The following SYNPO2 variants were observed in gnomAD, a reference collection of about 807,000 sequenced individuals.
SYNPO2 encodes the protein synaptopodin 2, also known as synaptopodin-2.
In SYNPO2, 56 loss-of-function variants were observed where a neutral mutation model predicts 85.0. That is an observed-to-expected ratio of 0.66 (90% confidence interval 0.53 to 0.82). The LOEUF (loss-of-function observed/expected upper bound fraction) is 0.82, where lower values mean the gene tolerates loss of function less well. Ranked by LOEUF, SYNPO2 falls within the 40% of genes least tolerant of loss-of-function variation. The pLI, the probability that SYNPO2 is intolerant of heterozygous loss-of-function variation, is 0.00. For synonymous variants in SYNPO2, 602 were observed against 591.1 expected (o/e 1.02, Z -0.27); for missense variants, 1,575 against 1,534.2 (o/e 1.03, Z -0.44).
chr4:119,033,980 G>A (rs1738391127), intron 4 of SYNPO2: 1 of 985,210 alleles, frequency 1.0e-6, no homozygotes, highest in African/African-American at 1.7e-5. Context: ...CATTGCTTTT[G>A]GTGGAAATTT....
intron 1 of SYNPO2, among the ~76,000 whole-genome samples, chr4:118,897,188 GA>G (rs1233061713): frequency 1.3e-5 from 2 of 152,138 alleles, no homozygotes; most frequent in African/African-American, 4.8e-5. Flanking sequence ...TCAGGAGAGA[GA>G]AAGAGTGAGT....
Position 118,857,325 on chromosome 4 carries a change from C to T in SYNPO2, c.12+6385C>T, listed in dbSNP as rs541381217. ...ATTAGTAGTAGGGCATATCCAGCCA[C>T]GTACAGCAACACCATTCCCCGAGAA... On this transcript the variant is annotated intron_variant, in intron 1 of 4. Coordinates refer to the SYNPO2 transcript ENST00000610556. Among the ~76,000 whole-genome samples the T allele has an allele frequency of 5.3e-5, 8 of 152,226 alleles. No individual in the cohort carries two copies. In the South Asian group the frequency reaches 6.2e-4, roughly 12 times the overall value.
At chr4:118,970,873 TA>T (rs979958454) in intron 1 of SYNPO2, among the ~76,000 whole-genome samples, 3 of 152,204 alleles carry the variant, frequency 2.0e-5, no homozygotes, top group Admixed American at 2.0e-4. Context: ...ATGAATAAAG[TA>T]ATCAATCAAA....
intron 1 of SYNPO2, among the ~76,000 whole-genome samples, chr4:118,874,850 T>C (rs1223936472): frequency 1.3e-5 from 2 of 152,172 alleles, no homozygotes; most frequent in African/African-American, 4.8e-5. Context: ...TTCAGATACA[T>C]GACTGTAGTT....
In SYNPO2 at chr4:119,043,415, A is replaced by G. The variant is rs575793771; in HGVS notation, c.3252+11388A>G. 7 of 152,324 alleles carry G rather than the reference A, an allele frequency of 4.6e-5. No individual in the cohort carries two copies. The East Asian group carries it at 9.6e-4, about 21-fold the overall frequency. The allele number at this position is 152,324 out of a possible 1,614,324, so 9.4% of individuals were successfully genotyped here. ...TTTGTAAATTCATCAATGCATTTGC[A>G]TGAATTAATACTAAAAGTGAAAAAA... On this transcript the variant is annotated intron_variant, in intron 4 of 4. Transcript: ENST00000307142.
Position 119,017,595 on chromosome 4 carries a change from T to C in SYNPO2, c.106-5835T>C, listed in dbSNP as rs186048183. 5.6e-4 allele frequency among the ~76,000 whole-genome samples: 85 copies of C among 152,246 alleles called. No individual in the cohort carries two copies. In the Middle Eastern group the frequency reaches 0.02, roughly 37 times the overall value. The stretch of plus-strand genomic sequence containing the variant: ...TAATTGTTGCCTGAGATCACAATCA[T>C]CTCTCTCATCCTCTCTTAGTTATTG... On this transcript the variant is annotated intron_variant, in intron 1 of 4. Coordinates refer to ENST00000307142, the MANE Select transcript of SYNPO2 (RefSeq NM_133477.3).
chr4:118,925,436 C>T (rs959282498), intron 1 of SYNPO2, among the ~76,000 whole-genome samples: 7 of 151,984 alleles, frequency 4.6e-5, no homozygotes, highest in African/African-American at 1.7e-4. Flanking sequence ...ACTCCAGTGG[C>T]ATGTTTTTCT....
intron 1 of SYNPO2, among the ~76,000 whole-genome samples, chr4:118,952,383 A>C (rs1734732028): frequency 1.3e-5 from 2 of 151,628 alleles, no homozygotes; most frequent in African/African-American, 4.8e-5. Flanking sequence ...TTAAAATTTT[A>C]TTTTATTATT....
intron 1 of SYNPO2, among the ~76,000 whole-genome samples, chr4:118,960,248 T>G (rs1021589414): frequency 1.1e-4 from 16 of 152,226 alleles, no homozygotes; most frequent in Admixed American, 3.9e-4. Flanking sequence ...TTTGCAGTCA[T>G]TTGTTATTTT....
At position 119,057,508 on chromosome 4, in the gene SYNPO2, T is replaced by C. The variant is rs1453744965; in HGVS notation, c.3360T>C (p.Asp1120=). 2.5e-6 allele frequency: 4 copies of C among 1,614,080 alleles called. No individual in the cohort carries two copies. Among genetic ancestry groups the C allele is most frequent in the Non-Finnish European group, 3.4e-6 (4 of 1,180,020 alleles). Residue 1120 remains aspartate (D), a synonymous_variant, in exon 5 of 5, where the codon GAT becomes GAC. Coordinates refer to ENST00000307142, the MANE Select transcript of SYNPO2 (RefSeq NM_133477.3). The part of the protein sequence containing the change: ...PTYSYSSKPT[D]GLEKANKRPT... Reference sequence around the variant, plus strand: ...ATAGTTACTCTAGTAAACCAACCGATGGACTAGAGAAAGCAAACAAGAGAC... The same window carrying C: ...ATAGTTACTCTAGTAAACCAACCGACGGACTAGAGAAAGCAAACAAGAGAC...
intron 1 of SYNPO2, among the ~76,000 whole-genome samples, chr4:118,918,519 C>T (rs1312489092): frequency 6.6e-6 from 1 of 151,984 alleles, no homozygotes; most frequent in East Asian, 1.9e-4. Context: ...TTTCTTTTTT[C>T]CTTTGCTTCT....
At chr4:118,876,266 GT>G (rs1391010984) in intron 1 of SYNPO2, among the ~76,000 whole-genome samples, 1 of 152,138 alleles carries the variant, frequency 6.6e-6, no homozygotes, top group Non-Finnish European at 1.5e-5. Flanking sequence ...GACAAAGCAT[GT>G]TTTTGCCCTG....
chr4:119,038,864 A>C (rs1738618992), intron 4 of SYNPO2, among the ~76,000 whole-genome samples: 1 of 151,102 alleles, frequency 6.6e-6, no homozygotes, highest in South Asian at 2.1e-4. Context: ...CTTCCCAGCA[A>C]GGACACTTTT....
chr4:118,966,521 G>A (rs1735323436), intron 1 of SYNPO2, among the ~76,000 whole-genome samples: 1 of 152,196 alleles, frequency 6.6e-6, no homozygotes, highest in Non-Finnish European at 1.5e-5. Context: ...GAAAGCTAGG[G>A]TATGGCAGAA....
intron 1 of SYNPO2, among the ~76,000 whole-genome samples, chr4:118,860,430 G>T (rs1348327600): frequency 6.6e-6 from 1 of 152,074 alleles, no homozygotes; most frequent in African/African-American, 2.4e-5. Flanking sequence ...TTTTTGTAGA[G>T]ATGGGGTTTT....
chr4:119,030,860 C>A lies in SYNPO2; in HGVS notation c.2085C>A (p.Pro695=). Residue 695 remains proline, a synonymous_variant, in exon 4 of 5, where the codon CCC becomes CCA. Coordinates refer to ENST00000307142, the MANE Select transcript of SYNPO2 (RefSeq NM_133477.3). ...CCAAAAGGAGAAGCACGACAAAACC[C>A]ATGTTTACTTTTAAAGAGCCCAAAG... ...QEAKRRSTTK[P]MFTFKEPKVS... is the part of the protein sequence containing the mutation. The A allele has an allele frequency of 1.2e-6, 2 of 1,614,128 alleles. No homozygotes were observed. The highest frequency in any genetic ancestry group is 1.7e-6 in the Non-Finnish European group (2 of 1,180,032).
chr4:118,879,878 C>A (rs1328003061), intron 1 of SYNPO2, among the ~76,000 whole-genome samples: 1 of 152,076 alleles, frequency 6.6e-6, no homozygotes. Flanking sequence ...CCTCCGAGAC[C>A]CTGCAACCGT....
chr4:118,968,863 CAGGTGG>C (rs1042025718), intron 1 of SYNPO2, among the ~76,000 whole-genome samples: 90 of 152,292 alleles, frequency 5.9e-4, no homozygotes, highest in African/African-American at 2.1e-3. Flanking sequence ...CTGCATTTTC[CAGGTGG>C]AAATTCCTTG....
intron 1 of SYNPO2, among the ~76,000 whole-genome samples, chr4:118,882,168 T>C (rs1285663126): frequency 6.6e-6 from 1 of 152,196 alleles, no homozygotes; most frequent in Non-Finnish European, 1.5e-5. Flanking sequence ...TCACTTTTTA[T>C]TGGGGGGAAG....
Sources: allele counts gnomAD v4.1 joint callset (sites outside exome capture counted in the v4.1 genomes callset), GRCh38; gene constraint gnomAD v4.1.1; transcripts MANE v1.5; gene names NCBI Gene and HGNC (gene_info 2026-07-23, HGNC 2026-07-21).